Variants in ARSB observed in about 807,000 individuals in gnomAD.
ARSB encodes arylsulfatase B, also known as N-acetylgalactosamine-4-sulfatase.
Under a neutral mutation model 50.9 loss-of-function variants are expected in ARSB, and 41 were observed. The ratio of observed to expected loss-of-function variants is 0.81; its 90% CI spans 0.63 to 1.04. The LOEUF (loss-of-function observed/expected upper bound fraction) is 1.04. Among genes scored for constraint, ARSB ranks in the 50% least tolerant of loss-of-function variants. The probability of loss-of-function intolerance (pLI) is 0.00; values close to 1 mark genes in which losing one functional copy is unlikely to be tolerated. For synonymous variants in ARSB, 269 were observed against 284.8 expected, an observed-to-expected ratio of 0.94 and a Z score of 0.56; for missense variants, 672 against 693.3, an observed-to-expected ratio of 0.97 and a Z score of 0.35.
intron 5 of ARSB, among the ~76,000 whole-genome samples, chr5:78,841,309 G>A (rs1299917203): frequency 6.6e-6 from 1 of 152,088 alleles, no homozygotes; most frequent in East Asian, 1.9e-4. Flanking sequence ...CAGCCTAGAT[G>A]ACAAAGTGAG....
chr5:78,837,694 T>C (rs545372897), intron 6 of ARSB, among the ~76,000 whole-genome samples: 2 of 152,334 alleles, frequency 1.3e-5, no homozygotes, highest in African/African-American at 2.4e-5. Context: ...TAATATTGTA[T>C]GCATATAATA....
intron 5 of ARSB, among the ~76,000 whole-genome samples, chr5:78,844,284 C>T (rs946034407): frequency 3.3e-5 from 5 of 152,088 alleles, no homozygotes; most frequent in African/African-American, 1.2e-4. Flanking sequence ...TTGCATTTTC[C>T]TAATAATTAA....
At chr5:78,967,053 G>T (rs1752239496) in intron 2 of ARSB, among the ~76,000 whole-genome samples, 1 of 152,106 alleles carries the variant, frequency 6.6e-6, no homozygotes, top group Non-Finnish European at 1.5e-5. Context: ...ATCCAATGAG[G>T]CATTACAGAG....
intron 1 of ARSB, among the ~76,000 whole-genome samples, chr5:78,979,694 C>T (rs1021305463): frequency 2.0e-5 from 3 of 152,204 alleles, no homozygotes; most frequent in Non-Finnish European, 4.4e-5. Flanking sequence ...ACCCTTCAAA[C>T]CATCTGCGAG....
chr5:78,973,947 T>A (rs759279288), intron 1 of ARSB, among the ~76,000 whole-genome samples: 7 of 152,182 alleles, frequency 4.6e-5, no homozygotes, highest in Non-Finnish European at 8.8e-5. Flanking sequence ...ACTCTACCCC[T>A]CCACCTTATA....
chr5:78,886,621 GT>G (rs979743363), intron 4 of ARSB, among the ~76,000 whole-genome samples: 1 of 152,054 alleles, frequency 6.6e-6, no homozygotes, highest in Non-Finnish European at 1.5e-5. Context: ...AGGGCTCAGA[GT>G]TAAGACATTA....
chr5:78,973,715 C>T (rs1307345423), intron 1 of ARSB, among the ~76,000 whole-genome samples: 1 of 152,176 alleles, frequency 6.6e-6, no homozygotes, highest in Non-Finnish European at 1.5e-5. Context: ...ATTTCAGCTA[C>T]ACTCAAACTC....
intron 4 of ARSB, among the ~76,000 whole-genome samples, chr5:78,937,756 A>G (rs1750704149): frequency 1.3e-5 from 2 of 151,964 alleles, no homozygotes; most frequent in South Asian, 4.1e-4. Flanking sequence ...TTTAAAATGT[A>G]TTGGTTATTG....
chr5:78,803,640 G>A (rs746463385), intron 6 of ARSB, among the ~76,000 whole-genome samples: 7 of 152,202 alleles, frequency 4.6e-5, no homozygotes, highest in African/African-American at 7.2e-5. Context: ...TGGTCTCCTC[G>A]GCTGGAGGGC....
At chr5:78,854,502 C>A (rs1000090853) in intron 5 of ARSB, among the ~76,000 whole-genome samples, 1 of 152,154 alleles carries the variant, frequency 6.6e-6, no homozygotes, top group Non-Finnish European at 1.5e-5. Flanking sequence ...CATTCAGGAA[C>A]GTGTTTAACT....
intron 4 of ARSB, among the ~76,000 whole-genome samples, chr5:78,954,006 A>C (rs148888450): frequency 6.6e-6 from 1 of 152,284 alleles, no homozygotes; most frequent in Non-Finnish European, 1.5e-5. Flanking sequence ...AGTTGCTGGT[A>C]ATTAACAGAC....
intron 5 of ARSB, among the ~76,000 whole-genome samples, chr5:78,866,933 G>A (rs922678545): frequency 2.0e-5 from 3 of 152,234 alleles, no homozygotes; most frequent in Non-Finnish European, 2.9e-5. Flanking sequence ...GGGAGTGCAA[G>A]ACAGTGGGCG....
At chr5:78,967,624 G>A (rs1416034194) in intron 2 of ARSB, among the ~76,000 whole-genome samples, 3 of 149,160 alleles carry the variant, frequency 2.0e-5, no homozygotes, top group African/African-American at 5.0e-5. Flanking sequence ...AGTGAGCCGA[G>A]ATCATGACAC....
At chr5:78,849,051 C>G (rs1432573271) in intron 5 of ARSB, among the ~76,000 whole-genome samples, 1 of 152,180 alleles carries the variant, frequency 6.6e-6, no homozygotes, top group Admixed American at 6.5e-5. Flanking sequence ...TTTTGCTGTG[C>G]AGAAGCTCTT....
chr5:78,877,611 A>G (rs910076515), intron 5 of ARSB, among the ~76,000 whole-genome samples: 2 of 151,332 alleles, frequency 1.3e-5, no homozygotes, highest in South Asian at 2.1e-4. Context: ...ATAGTCTTGA[A>G]CTCTTGACCT....
chr5:78,884,564 G>A (rs796375485), intron 5 of ARSB: 4 of 152,204 alleles, frequency 2.6e-5, no homozygotes, highest in African/African-American at 9.6e-5. Context: ...GGCCACTAAG[G>A]GACAGTCAAT....
chr5:78,969,761 C>T (rs977609300), intron 1 of ARSB, among the ~76,000 whole-genome samples: 5 of 152,054 alleles, frequency 3.3e-5, no homozygotes, highest in African/African-American at 9.7e-5. Context: ...GGATTACAGG[C>T]GCCCACCACC....
chr5:78,984,388 G>A (rs1413500848), intron 1 of ARSB, among the ~76,000 whole-genome samples: 1 of 152,210 alleles, frequency 6.6e-6, no homozygotes, highest in African/African-American at 2.4e-5. Flanking sequence ...ACATGTGAAA[G>A]GAATGTCAGC....
At chr5:78,801,178 T>C (rs1030413765) in intron 6 of ARSB, among the ~76,000 whole-genome samples, 1 of 152,224 alleles carries the variant, frequency 6.6e-6, no homozygotes, top group South Asian at 2.1e-4. Flanking sequence ...ATGTTCATTA[T>C]ACTCTGATTA....
Sources: allele counts gnomAD v4.1 joint callset (sites outside exome capture counted in the v4.1 genomes callset), GRCh38; gene constraint gnomAD v4.1.1; transcripts MANE v1.5; gene names NCBI Gene and HGNC (gene_info 2026-07-23, HGNC 2026-07-21).